PIK3AP1: variants seen among roughly 807,000 people sequenced by gnomAD.
The protein encoded by PIK3AP1 is phosphoinositide 3-kinase adapter protein 1.
In PIK3AP1, 21 loss-of-function variants were observed where a neutral mutation model predicts 88.1. The ratio of observed to expected loss-of-function variants is 0.24; its 90% CI spans 0.17 to 0.34. The LOEUF is 0.34. PIK3AP1 is among the 10% of genes least tolerant of loss of function. The pLI, the probability that PIK3AP1 is intolerant of heterozygous loss-of-function variation, is 1.00. For synonymous variants in PIK3AP1, 398 were observed against 400.0 expected, an observed-to-expected ratio of 1.00 and a Z score of 0.06; for missense variants, 828 against 1,035.7, an observed-to-expected ratio of 0.80 and a Z score of 2.75.
chr10:96,701,798 G>A (rs1300638358), intron 2 of PIK3AP1, among the ~76,000 whole-genome samples: 2 of 152,140 alleles, frequency 1.3e-5, no homozygotes, highest in African/African-American at 4.8e-5. Context: ...GATTCACAAA[G>A]ATTTAGGCAT....
At chr10:96,691,239 C>G (rs1333783362) in intron 2 of PIK3AP1, among the ~76,000 whole-genome samples, 1 of 152,180 alleles carries the variant, frequency 6.6e-6, no homozygotes, top group Non-Finnish European at 1.5e-5. Context: ...ACTCTCCCCA[C>G]CTCCCGCAAA....
At chr10:96,700,652 C>G (rs887727118) in intron 2 of PIK3AP1, among the ~76,000 whole-genome samples, 2 of 152,102 alleles carry the variant, frequency 1.3e-5, no homozygotes, top group African/African-American at 2.4e-5. Context: ...GTGGCTTAAC[C>G]CACAGCAGAG....
rs1844410148 is a variant in PIK3AP1 at position 96,709,571 on chromosome 10, G to A, written c.426C>T (p.Ser142=). The change falls in exon 2 of 17, where the codon TCC becomes TCT. Residue 142 remains serine, a synonymous_variant. Transcript: ENST00000339364. ...ATCTTTAGAAGAAATCCTTACCTTCGGAAATGGCTTTTTTCACAGCTGCCA... is the reference window on the plus strand; with the variant it reads ...ATCTTTAGAAGAAATCCTTACCTTCAGAAATGGCTTTTTTCACAGCTGCCA... ...TYVAAVKKAI[S]EDSGCDSVTD... The A allele has an allele frequency of 3.1e-6, 5 of 1,601,608 alleles. No homozygotes were observed. Among genetic ancestry groups the A allele is most frequent in the Non-Finnish European group, 4.3e-6 (5 of 1,171,816 alleles).
chr10:96,655,853 ATC>A (rs2134238494), intron 3 of PIK3AP1, among the ~76,000 whole-genome samples: 1 of 152,302 alleles, frequency 6.6e-6, no homozygotes, highest in Non-Finnish European at 1.5e-5. Context: ...GTCCAATTAA[ATC>A]TCTTTCTTTT....
intron 14 of PIK3AP1, among the ~76,000 whole-genome samples, chr10:96,609,185 T>A (rs1342613541): frequency 2.0e-5 from 3 of 152,246 alleles, no homozygotes; most frequent in Non-Finnish European, 4.4e-5. Flanking sequence ...TTGAGTACAT[T>A]GTTTTCTGAT....
At chr10:96,620,272 C>T (rs1056500495) in intron 12 of PIK3AP1, 80 bp downstream of exon 12, 59 of 1,443,118 alleles carry the variant, frequency 4.1e-5, no homozygotes, top group Non-Finnish European at 5.2e-5. Context: ...CAGCAATACA[C>T]AAGACAGCCA....
At chr10:96,709,086 C>T (rs1375478039) in intron 2 of PIK3AP1, among the ~76,000 whole-genome samples, 2 of 146,286 alleles carry the variant, frequency 1.4e-5, no homozygotes, top group Non-Finnish European at 1.5e-5. Flanking sequence ...CCACTGAGAT[C>T]GCACCATTGC....
At chr10:96,629,780 G>A (rs1165248983) in intron 8 of PIK3AP1, among the ~76,000 whole-genome samples, 1 of 147,782 alleles carries the variant, frequency 6.8e-6, no homozygotes, top group Non-Finnish European at 1.5e-5. Context: ...TGTGGTCCCA[G>A]CCACTTGGGA....
chr10:96,656,410 A>G (rs868555773), intron 3 of PIK3AP1, among the ~76,000 whole-genome samples: 17 of 152,280 alleles, frequency 1.1e-4, no homozygotes, highest in Middle Eastern at 6.8e-3. Flanking sequence ...AGTGATGGAG[A>G]AGCAAGCTGT....
intron 8 of PIK3AP1, among the ~76,000 whole-genome samples, chr10:96,628,871 T>TACATATATATACAC (rs778599781): frequency 2.3e-5 from 1 of 43,666 alleles, no homozygotes; most frequent in African/African-American, 6.6e-5. Context: ...CACACATATA[T>TACATATATATACAC]ACACATATAT....
At chr10:96,607,901 A>G (rs568400315) in intron 14 of PIK3AP1, among the ~76,000 whole-genome samples, 1 of 152,326 alleles carries the variant, frequency 6.6e-6, no homozygotes, top group South Asian at 2.1e-4. Flanking sequence ...TTAAGCCACT[A>G]CATTTTGGCA....
chr10:96,624,508 T>C (rs1843128700), intron 10 of PIK3AP1, among the ~76,000 whole-genome samples: 1 of 152,136 alleles, frequency 6.6e-6, no homozygotes, highest in African/African-American at 2.4e-5. Flanking sequence ...AATATCCATT[T>C]TATAGATGAG....
At position 96,685,039 on chromosome 10, in the gene PIK3AP1, G is replaced by A. The variant is rs181145171; in HGVS notation, c.430+24528C>T. ...ACAGCCTCCTAGAAATGATGCAGAC[G>A]TGTGGCTTTTGCGGAGGAAGGAAGC... On this transcript the variant is annotated intron_variant, in intron 2 of 16. Transcript: ENST00000339364. Among the ~76,000 whole-genome samples, 3 of 152,308 alleles carry A rather than the reference G, an allele frequency of 2.0e-5. No homozygotes were observed. The East Asian group carries it at 5.8e-4, about 29-fold the overall frequency.
intron 2 of PIK3AP1, among the ~76,000 whole-genome samples, chr10:96,703,823 A>G (rs1011950564): frequency 8.5e-5 from 13 of 152,230 alleles, no homozygotes; most frequent in Non-Finnish European, 1.8e-4. Flanking sequence ...ATGGTATATT[A>G]CAGTGCTGGA....
At chr10:96,639,098 G>A (rs1466890198) in intron 8 of PIK3AP1, among the ~76,000 whole-genome samples, 1 of 152,176 alleles carries the variant, frequency 6.6e-6, no homozygotes, top group Non-Finnish European at 1.5e-5. Context: ...TCAAATGCAA[G>A]GGAACATGAA....
chr10:96,615,177 G>A (rs1233283856), intron 13 of PIK3AP1, among the ~76,000 whole-genome samples: 1 of 152,140 alleles, frequency 6.6e-6, no homozygotes, highest in Non-Finnish European at 1.5e-5. Context: ...GCAATAAATA[G>A]GAGTCCAGGG....
chr10:96,715,732 T>C (rs549742408), intron 1 of PIK3AP1, among the ~76,000 whole-genome samples: 8 of 150,836 alleles, frequency 5.3e-5, no homozygotes, highest in African/African-American at 2.0e-4. Flanking sequence ...CTACTAAAAA[T>C]ACAAAAAATT....
chr10:96,683,053 C>A (rs1333236807), intron 2 of PIK3AP1, among the ~76,000 whole-genome samples: 1 of 152,204 alleles, frequency 6.6e-6, no homozygotes, highest in Non-Finnish European at 1.5e-5. Context: ...AAGAATCGAA[C>A]AACGCTTCTG....
At chr10:96,672,456 G>A (rs1179353000) in intron 2 of PIK3AP1, among the ~76,000 whole-genome samples, 1 of 152,158 alleles carries the variant, frequency 6.6e-6, no homozygotes, top group Non-Finnish European at 1.5e-5. Flanking sequence ...AGCAGGACAG[G>A]AGGAAAGATG....
Sources: gnomAD v4.1 joint callset for allele counts (sites outside exome capture counted in the v4.1 genomes callset) on GRCh38, gnomAD v4.1.1 for gene constraint, MANE v1.5 for transcripts, NCBI Gene and HGNC (gene_info 2026-07-23, HGNC 2026-07-21) for gene names.